N4BP2: variants seen among roughly 807,000 people sequenced by gnomAD.
N4BP2 encodes NEDD4-binding protein 2.
Under a neutral mutation model 152.8 loss-of-function variants are expected in N4BP2, and 91 were observed. The observed-to-expected ratio is 0.60, with a 90% CI of 0.50 to 0.71. The LOEUF is 0.71. N4BP2 is among the 30% of genes least tolerant of loss of function. N4BP2 has a pLI of 0.00. For missense variants in N4BP2, 1,923 were observed against 2,059.1 expected, an observed-to-expected ratio of 0.93 and a Z score of 1.28; for synonymous variants, 646 against 705.3, an observed-to-expected ratio of 0.92 and a Z score of 1.33.
chr4:40,081,507 G>A (rs375580627), intron 2 of N4BP2, among the ~76,000 whole-genome samples: 7 of 152,160 alleles, frequency 4.6e-5, no homozygotes, highest in East Asian at 1.9e-4. Flanking sequence ...TTAATGGGGT[G>A]TGGTGCCGCA....
intron 11 of N4BP2, among the ~76,000 whole-genome samples, chr4:40,125,819 G>A (rs1266715345): frequency 1.3e-4 from 20 of 151,438 alleles, no homozygotes; most frequent in South Asian, 1.0e-3. Flanking sequence ...CCTGGGAGGC[G>A]GAGGTTGCAG....
chr4:40,126,108 A>G lies in N4BP2; in HGVS notation c.4331-26A>G, dbSNP rs146121108. On this transcript the variant is annotated intron_variant, in intron 11 of 17. Coordinates refer to ENST00000261435, the MANE Select transcript of N4BP2 (RefSeq NM_018177.6). ...AATTTATACATTTATTGTTGAGAGT[A>G]TGACAGTATTTATACTACTTTGTAG... 4 of 1,369,064 alleles carry G rather than the reference A, an allele frequency of 2.9e-6. No individual in the cohort carries two copies. The Admixed American group carries it at 7.4e-5, about 25-fold the overall frequency. 84.8% of individuals were successfully genotyped at this position (1,369,064 alleles called of 1,614,324 possible).
chr4:40,097,831 T>C (rs16995560), intron 3 of N4BP2, among the ~76,000 whole-genome samples: 3,154 of 152,302 alleles, frequency 0.021, 113 homozygotes, highest in African/African-American at 0.071. Context: ...CTCTTTCATC[T>C]TCACTCTAGA....
intron 3 of N4BP2, among the ~76,000 whole-genome samples, chr4:40,100,420 A>C (rs1171145817): frequency 6.9e-6 from 1 of 144,266 alleles, no homozygotes; most frequent in Non-Finnish European, 1.5e-5. Flanking sequence ...TCAGTCGCCC[A>C]GGCTGGAGCG....
At chr4:40,088,541 C>T (rs1166597295) in intron 2 of N4BP2, among the ~76,000 whole-genome samples, 3 of 147,960 alleles carry the variant, frequency 2.0e-5, no homozygotes, top group Non-Finnish European at 4.5e-5. Flanking sequence ...GCTCTTGTTG[C>T]CCGGGCTGGA....
At chr4:40,162,192 C>T (rs150728677), downstream of N4BP2, among the ~76,000 whole-genome samples, 11 of 152,212 alleles carry the variant, frequency 7.2e-5, no homozygotes, top group East Asian at 1.9e-3. Context: ...TTAAACTTTA[C>T]GGAAAGGCTC....
Position 40,122,089 on chromosome 4 carries a change from TGAA to T in N4BP2, c.3985_3987del (p.Glu1329del), listed in dbSNP as rs760381526. 1.3e-5 allele frequency: 20 copies of T among 1,570,932 alleles called. No homozygotes were observed. Among genetic ancestry groups the T allele is most frequent in the Admixed American group, 1.9e-5 (1 of 52,154 alleles). On this transcript the variant is annotated inframe_deletion, in exon 9 of 18. Coordinates refer to ENST00000261435, the MANE Select transcript of N4BP2 (RefSeq NM_018177.6). ...CAAAGGATTATGTGAAATTTTCAGATGAAGAAGAATTTATGAATGAAGATGAGA... is the reference window on the plus strand; with the variant it reads ...CAAAGGATTATGTGAAATTTTCAGATGAAGAATTTATGAATGAAGATGAGA...
intron 12 of N4BP2, among the ~76,000 whole-genome samples, chr4:40,131,398 C>T (rs1718890895): frequency 6.6e-6 from 1 of 152,078 alleles, no homozygotes; most frequent in African/African-American, 2.4e-5. Flanking sequence ...TATATTTTAT[C>T]TTTATTTTCT....
chr4:40,073,501 A>G lies in N4BP2; in HGVS notation c.-165A>G, dbSNP rs945282312. On this transcript the variant is annotated 5_prime_UTR_variant, in exon 2 of 18. It adds an upstream start codon to the 5' untranslated region. Transcript: ENST00000261435. ...AAGAAGAGGTGTAGAGTTTGCATATATCAACTGTGGCCTTAATGAGCATGT... is the reference window on the plus strand; with the variant it reads ...AAGAAGAGGTGTAGAGTTTGCATATGTCAACTGTGGCCTTAATGAGCATGT... 3.3e-5 allele frequency: 5 copies of G among 152,174 alleles called. No individual in the cohort carries two copies. Among genetic ancestry groups the G allele is most frequent in the Non-Finnish European group, 7.3e-5 (5 of 68,042 alleles). The allele number at this position is 152,174 out of a possible 1,614,324, so 9.4% of individuals were successfully genotyped here.
At chr4:40,169,194 C>A in the N4BP2 span, among the ~76,000 whole-genome samples, 1 of 151,702 alleles carries the variant, frequency 6.6e-6, no homozygotes, top group Non-Finnish European at 1.5e-5. Context: ...ACTAGCCTGG[C>A]CAACGTAGAG....
chr4:40,136,379 T>TATCTATCTATCTATCTATCTATCTATC (rs1553926171), intron 13 of N4BP2, among the ~76,000 whole-genome samples: 21 of 150,238 alleles, frequency 1.4e-4, no homozygotes, highest in Non-Finnish European at 2.5e-4. Context: ...TCTATCTATC[T>TATCTATCTATCTATCTATCTATCTATC]ATCTATCTAT....
intron 2 of N4BP2, among the ~76,000 whole-genome samples, chr4:40,079,987 A>AG (rs1553918902): frequency 6.6e-6 from 1 of 151,924 alleles, no homozygotes; most frequent in Non-Finnish European, 1.5e-5. Context: ...TGAGGATGGG[A>AG]GGGGGGGATA....
chr4:40,125,477 C>T (rs1222735314), intron 11 of N4BP2, among the ~76,000 whole-genome samples: 1 of 152,206 alleles, frequency 6.6e-6, no homozygotes. Context: ...GTTATGGTTG[C>T]TCACTTCCAG....
rs897499707 is a variant in N4BP2 at position 40,155,350 on chromosome 4, A to G, written c.*1113A>G. ...GAGGTTGCAGTGACCCGAGATCGAGATCACACCACTGCACTCAGCCTGGGT... is the reference window on the plus strand; with the variant it reads ...GAGGTTGCAGTGACCCGAGATCGAGGTCACACCACTGCACTCAGCCTGGGT... On this transcript the variant is annotated 3_prime_UTR_variant, in exon 18 of 18. Transcript: ENST00000261435. The G allele has an allele frequency of 6.6e-6, 1 of 151,964 alleles. No individual in the cohort carries two copies. The highest frequency in any genetic ancestry group is 6.6e-5 in the Admixed American group (1 of 15,262). The allele number at this position is 151,964 out of a possible 1,614,324, so 9.4% of individuals were successfully genotyped here.
the N4BP2 span, among the ~76,000 whole-genome samples, chr4:40,179,277 G>A: frequency 6.6e-6 from 1 of 152,280 alleles, no homozygotes; most frequent in African/African-American, 2.4e-5. Context: ...GGCTGAGGCA[G>A]GAGAATGGCA....
At chr4:40,114,026 A>G (rs775527951) in intron 7 of N4BP2, among the ~76,000 whole-genome samples, 18 of 152,248 alleles carry the variant, frequency 1.2e-4, no homozygotes, top group Non-Finnish European at 2.5e-4. Flanking sequence ...ACTGGAAGGT[A>G]GTACGGATAT....
At chr4:40,060,754 C>A (rs924114211) in intron 1 of N4BP2, among the ~76,000 whole-genome samples, 1 of 150,062 alleles carries the variant, frequency 6.7e-6, no homozygotes, top group Non-Finnish European at 1.5e-5. Context: ...AGGCACATAC[C>A]GCTGTGCCTG....
the N4BP2 span, among the ~76,000 whole-genome samples, chr4:40,178,864 T>C: frequency 2.6e-5 from 4 of 152,186 alleles, no homozygotes; most frequent in Non-Finnish European, 5.9e-5. Context: ...ACTCCCTGCC[T>C]CAAGTTCTTG....
chr4:40,144,877 G>C lies in N4BP2; in HGVS notation c.5143+77G>C, dbSNP rs557494333. On this transcript the variant is annotated intron_variant, in intron 16 of 17. Coordinates refer to ENST00000261435, the MANE Select transcript of N4BP2 (RefSeq NM_018177.6). ...ATTGGTATAGCTTGCAAATTCAGGA[G>C]AGTCTGAATATGCAGGCTGAGAATA... The C allele has an allele frequency of 3.5e-6, 4 of 1,158,396 alleles. No homozygotes were observed. In the South Asian group the frequency reaches 5.2e-5, roughly 15 times the overall value. 71.8% of individuals were successfully genotyped at this position (1,158,396 alleles called of 1,614,324 possible). A position where few individuals can be genotyped will look rare whatever the true frequency, so the allele number is the denominator to read the frequency against.
Sources: allele counts gnomAD v4.1 joint callset (sites outside exome capture counted in the v4.1 genomes callset), GRCh38; gene constraint gnomAD v4.1.1; transcripts MANE v1.5; gene names NCBI Gene and HGNC (gene_info 2026-07-23, HGNC 2026-07-21).